OR8G1: variants seen among roughly 807,000 people sequenced by gnomAD.
OR8G1 encodes the protein olfactory receptor family 8 subfamily G member 1.
For missense variants in OR8G1, 372 were observed against 356.2 expected (o/e 1.04, Z -0.36); for synonymous variants, 129 against 133.3 (o/e 0.97, Z 0.22).
rs1382829894 is a variant in OR8G1, at chr11:124,244,299, TA to T, written c.-97+2937del. Among the ~76,000 whole-genome samples, 17 of 152,132 alleles carry T rather than the reference TA, an allele frequency of 1.1e-4. No homozygotes were observed. In the South Asian group the frequency reaches 3.3e-3, roughly 30 times the overall value. On this transcript the variant is annotated intron_variant, in intron 1 of 2. Transcript: ENST00000641972. ...GAGGTGATTCAGGAACTTTTATTTT[TA>T]ATTATAATCATATTTACATTTTTAC...
Position 124,250,692 on chromosome 11 carries a change from G to T in OR8G1, c.*81G>T. 1 of 403,252 alleles carries T rather than the reference G, an allele frequency of 2.5e-6. No individual in the cohort carries two copies. Among genetic ancestry groups the T allele is most frequent in the Non-Finnish European group, 4.1e-6 (1 of 246,578 alleles). The allele number at this position is 403,252 out of a possible 1,614,324, so 25.0% of individuals were successfully genotyped here. A position where few individuals can be genotyped will look rare whatever the true frequency, so the allele number is the denominator to read the frequency against. On this transcript the variant is annotated 3_prime_UTR_variant, in exon 3 of 3. Coordinates refer to ENST00000641972, the MANE Select transcript of OR8G1 (RefSeq NM_001002905.2). ...ATGAATGGATGTCTTTCACTTTAAT[G>T]CATCTGTCAATAATTTTTACCATTT...
intron 1 of OR8G1, among the ~76,000 whole-genome samples, chr11:124,245,475 A>T (rs1308730097): frequency 7.2e-6 from 1 of 139,590 alleles, no homozygotes. Flanking sequence ...CAATAAACAT[A>T]CGTGTGCATG....
chr11:124,250,540 A>AGCTACATATGTT lies in OR8G1; in HGVS notation c.865_866insGCTACATATGTT (p.Ile289delinsSerTyrIleCysPhe), dbSNP rs1591392970. On this transcript the variant is annotated protein_altering_variant, in exon 3 of 3. Transcript: ENST00000641972. Reference sequence around the variant, plus strand: ...TATTGTGCCCATGTTGAACCCTCTGATTTATAGCCTGAGGAATAAAGATGT... The same window carrying AGCTACATATGTT: ...TATTGTGCCCATGTTGAACCCTCTGAGCTACATATGTTTTTATAGCCTGAGGAATAAAGATGT... 7,388 of 1,180,474 alleles carry AGCTACATATGTT rather than the reference A, an allele frequency of 6.3e-3. 423 individuals are homozygous for AGCTACATATGTT. The highest frequency in any genetic ancestry group is 0.016 in the South Asian group (735 of 46,542). 73.1% of individuals were successfully genotyped at this position (1,180,474 alleles called of 1,614,324 possible). A position where few individuals can be genotyped will look rare whatever the true frequency, so the allele number is the denominator to read the frequency against.
At chr11:124,248,066 G>T (rs10893188) in intron 2 of OR8G1, among the ~76,000 whole-genome samples, 186 bp downstream of exon 2, 7,793 of 151,970 alleles carry the variant, frequency 0.051, 299 homozygotes, top group South Asian at 0.13. Flanking sequence ...CAATACAGGT[G>T]TGCAGAGCTG....
Position 124,250,519 on chromosome 11 carries a change from G to T in OR8G1, c.844G>T (p.Val282Leu), listed in dbSNP as rs1157998253. ...KVSSVFYTII[V>L]PMLNPLIYSL... ...ATCCTCTGTGTTTTATACTATTATT[G>T]TGCCCATGTTGAACCCTCTGATTTA... Residue 282 changes from valine (V) to leucine (L), a missense_variant, in exon 3 of 3, where the codon GTG (valine) becomes TTG (leucine). Physicochemically the swap from Val to Leu is conservative, Grantham distance 32 (BLOSUM62 1). Transcript: ENST00000641972. The T allele has an allele frequency of 5.0e-6, 8 of 1,613,046 alleles. No homozygotes were observed. The highest frequency in any genetic ancestry group is 2.2e-5 in the East Asian group (1 of 44,870).
chr11:124,251,481 A>G lies in OR8G1; in HGVS notation c.*870A>G. 2 of 670,834 alleles carry G rather than the reference A, an allele frequency of 3.0e-6. 1 individual carries two copies. The highest frequency in any genetic ancestry group is 3.9e-5 in the South Asian group (2 of 51,178). The allele number at this position is 670,834 out of a possible 1,614,324, so 41.6% of individuals were successfully genotyped here. A position where few individuals can be genotyped will look rare whatever the true frequency, so the allele number is the denominator to read the frequency against. ...AGAAGGTTCTTCAAGAATCTATAAT[A>G]TAACTGGTAACATTCTGACCTATTC... is the stretch of plus-strand genomic sequence containing the variant. On this transcript the variant is annotated 3_prime_UTR_variant, in exon 3 of 3. Transcript: ENST00000641972.
rs1861886680 is a variant in OR8G1 at position 124,253,930 on chromosome 11, TCCATTC to T, written c.*3320_*3325del. 6.6e-6 allele frequency: 1 copy of T among 152,218 alleles called. No homozygotes were observed. Among genetic ancestry groups the T allele is most frequent in the African/African-American group, 2.4e-5 (1 of 41,466 alleles). The allele number at this position is 152,218 out of a possible 1,614,324, so 9.4% of individuals were successfully genotyped here. A position where few individuals can be genotyped will look rare whatever the true frequency, so the allele number is the denominator to read the frequency against. On this transcript the variant is annotated 3_prime_UTR_variant, in exon 3 of 3. Coordinates refer to ENST00000641972, the MANE Select transcript of OR8G1 (RefSeq NM_001002905.2). ...GTGCACATATACCACATTTTGTTTA[TCCATTC>T]TTCCTAAGCGATGGACACCTAGGTT...
rs570754287 is a variant in OR8G1 at position 124,252,763 on chromosome 11, A to T, written c.*2152A>T. On this transcript the variant is annotated 3_prime_UTR_variant, in exon 3 of 3. Coordinates refer to ENST00000641972, the MANE Select transcript of OR8G1 (RefSeq NM_001002905.2). ...CTTGCATTGAAGGTGTTACACTTCA[A>T]ATTTCCAGCAAGTGCTTTGCACTTT... 1 of 152,196 alleles carries T rather than the reference A, an allele frequency of 6.6e-6. No homozygotes were observed. The highest frequency in any genetic ancestry group is 1.5e-5 in the Non-Finnish European group (1 of 68,036). The allele number at this position is 152,196 out of a possible 1,614,324, so 9.4% of individuals were successfully genotyped here.
In OR8G1 at chr11:124,251,599, C is replaced by T. The variant is rs1861868267; in HGVS notation, c.*988C>T. On this transcript the variant is annotated 3_prime_UTR_variant, in exon 3 of 3. Coordinates refer to ENST00000641972, the MANE Select transcript of OR8G1 (RefSeq NM_001002905.2). ...CTGATTTTTTAAGTCATTAAACCCT[C>T]TCAACAACCAAGGAGTCCCTAAAGC... is the stretch of plus-strand genomic sequence containing the variant. The T allele has an allele frequency of 3.9e-6, 1 of 256,924 alleles. No individual in the cohort carries two copies. The highest frequency in any genetic ancestry group is 9.5e-5 in the East Asian group (1 of 10,540). The allele number at this position is 256,924 out of a possible 1,614,324, so 15.9% of individuals were successfully genotyped here. A position where few individuals can be genotyped will look rare whatever the true frequency, so the allele number is the denominator to read the frequency against.
rs1428313422 is a variant in OR8G1, at chr11:124,253,190, G to A, written c.*2579G>A. On this transcript the variant is annotated 3_prime_UTR_variant, in exon 3 of 3. Transcript: ENST00000641972. ...AGTCCCAGCACTTTGGGGAGCTGAG[G>A]TGGGTGAATCACTTCTGTTCAGGAG... 3 of 152,194 alleles carry A rather than the reference G, an allele frequency of 2.0e-5. No individual in the cohort carries two copies. The highest frequency in any genetic ancestry group is 7.2e-5 in the African/African-American group (3 of 41,452). The allele number at this position is 152,194 out of a possible 1,614,324, so 9.4% of individuals were successfully genotyped here. A position where few individuals can be genotyped will look rare whatever the true frequency, so the allele number is the denominator to read the frequency against.
rs1276636152 is a variant in OR8G1, at chr11:124,250,331, T to C, written c.656T>C (p.Ile219Thr). 8 of 1,613,688 alleles carry C rather than the reference T, an allele frequency of 5.0e-6. No individual in the cohort carries two copies. The East Asian group carries it at 6.7e-5, about 13-fold the overall frequency. ...VPSLTILCSY[I>T]FIIASILHIR... is the part of the protein sequence containing the mutation. ...AGCCTGACCATCCTTTGCTCTTACA[T>C]CTTTATTATTGCCAGCATCCTCCAC... is the stretch of plus-strand genomic sequence containing the variant. The change falls in exon 3 of 3, where the codon ATC becomes ACC. Residue 219 changes from isoleucine to threonine, a missense_variant. Transcript: ENST00000641972.
In OR8G1 at chr11:124,250,751, A is replaced by G; in HGVS notation, c.*140A>G. 5.4e-6 allele frequency: 2 copies of G among 370,664 alleles called. 1 individual carries two copies. Among genetic ancestry groups the G allele is most frequent in the Non-Finnish European group, 8.9e-6 (2 of 223,796 alleles). 23.0% of individuals were successfully genotyped at this position (370,664 alleles called of 1,614,324 possible). A position where few individuals can be genotyped will look rare whatever the true frequency, so the allele number is the denominator to read the frequency against. On this transcript the variant is annotated 3_prime_UTR_variant, in exon 3 of 3. Transcript: ENST00000641972. ...TATATTACCATTATTTTTTCATTTC[A>G]TGACCCTTTGATGTCATTTCCCATG...
intron 1 of OR8G1, among the ~76,000 whole-genome samples, chr11:124,244,893 G>T (rs1229415334): frequency 6.6e-6 from 1 of 151,842 alleles, no homozygotes; most frequent in African/African-American, 2.4e-5. Context: ...TAGATGTTCT[G>T]TTCAGGAACT....
chr11:124,246,572 A>G (rs1001892493), intron 1 of OR8G1, among the ~76,000 whole-genome samples: 3 of 151,828 alleles, frequency 2.0e-5, no homozygotes, highest in African/African-American at 7.2e-5. Flanking sequence ...TTTTAGTGGG[A>G]GACATTGACA....
intron 1 of OR8G1, among the ~76,000 whole-genome samples, chr11:124,242,074 A>ATTAT (rs1269361829): frequency 2.2e-5 from 1 of 44,760 alleles, no homozygotes; most frequent in South Asian, 1.0e-3. Context: ...TCAGTAGTAA[A>ATTAT]TTATTTATAT....
At position 124,250,147 on chromosome 11, in the gene OR8G1, G is replaced by C; in HGVS notation, c.472G>C (p.Val158Leu). The change falls in exon 3 of 3, where the codon GTT becomes CTT. Residue 158 changes from valine (V) to leucine (L), a missense_variant. Physicochemically the swap from Val to Leu is conservative, Grantham distance 32 (BLOSUM62 1). Transcript: ENST00000641972. ...VYIIGLVCAS[V>L]HTGCMFRVQF... ...TATAATAGGCCTGGTTTGTGCATCA[G>C]TTCATACAGGCTGTATGTTTAGGGT... 6.2e-7 allele frequency: 1 copy of C among 1,613,808 alleles called. No individual in the cohort carries two copies.
In OR8G1 at chr11:124,249,624, TG is replaced by T. The variant is rs1565316357; in HGVS notation, c.-16-32del. 63 of 1,539,728 alleles carry T rather than the reference TG, an allele frequency of 4.1e-5. No individual in the cohort carries two copies. In the South Asian group the frequency reaches 7.0e-4, roughly 17 times the overall value. On this transcript the variant is annotated intron_variant, in intron 2 of 2. Transcript: ENST00000641972. Reference sequence around the variant, plus strand: ...AATAATAAAGTCCCTCCCACAACCATGGGGTTTTTTTGTTTTGTTTTTTCTC... The same window carrying T: ...AATAATAAAGTCCCTCCCACAACCATGGGTTTTTTTGTTTTGTTTTTTCTC...
chr11:124,244,902 C>G (rs1861797535), intron 1 of OR8G1, among the ~76,000 whole-genome samples: 1 of 151,830 alleles, frequency 6.6e-6, no homozygotes, highest in Non-Finnish European at 1.5e-5. Context: ...TGTTCAGGAA[C>G]TGTATTATGT....
chr11:124,250,588 C>T lies in OR8G1; in HGVS notation c.913C>T (p.Leu305=), dbSNP rs1442224338. ...TGTCCATGTTTCCCTGAAGAAAATG[C>T]TACAGAGAAGAACATTATTGTAAAC... ...KDVHVSLKKM[L]QRRTLL Residue 305 remains leucine (L), a synonymous_variant, in exon 3 of 3, where the codon CTA becomes TTA. Transcript: ENST00000641972. 2.6e-5 allele frequency: 13 copies of T among 509,524 alleles called. 3 individuals carry two copies. Among genetic ancestry groups the T allele is most frequent in the Non-Finnish European group, 3.1e-5 (12 of 392,624 alleles). The allele number at this position is 509,524 out of a possible 1,614,324, so 31.6% of individuals were successfully genotyped here.
Sources: gnomAD v4.1 joint callset for allele counts (sites outside exome capture counted in the v4.1 genomes callset) on GRCh38, gnomAD v4.1.1 for gene constraint, MANE v1.5 for transcripts, NCBI Gene and HGNC (gene_info 2026-07-23, HGNC 2026-07-21) for gene names.